Variants in PCTP observed in about 807,000 individuals in gnomAD.
PCTP encodes the protein START domain-containing protein 2.
A neutral mutation model predicts 31.0 loss-of-function variants in PCTP; 27 were observed. The ratio of observed to expected loss-of-function variants is 0.87; its 90% CI spans 0.64 to 1.20. PCTP has a LOEUF of 1.20. Ranked by LOEUF, PCTP falls within the 50% of genes most tolerant of loss-of-function variation. The probability of loss-of-function intolerance (pLI) is 0.00; values close to 1 mark genes in which losing one functional copy is unlikely to be tolerated. For missense variants in PCTP, 287 were observed against 268.2 expected, an observed-to-expected ratio of 1.07 and a Z score of -0.49; for synonymous variants, 108 against 101.2, an observed-to-expected ratio of 1.07 and a Z score of -0.40.
intron 3 of PCTP, among the ~76,000 whole-genome samples, chr17:55,800,474 C>A (rs62078576): frequency 0.07 from 10,626 of 151,964 alleles, 514 homozygotes; most frequent in Middle Eastern, 0.15. Flanking sequence ...AGCAATTCCT[C>A]TAATCTTTTT....
intron 3 of PCTP, among the ~76,000 whole-genome samples, chr17:55,802,819 C>T (rs1422289879): frequency 1.3e-5 from 2 of 152,152 alleles, no homozygotes; most frequent in African/African-American, 4.8e-5. Context: ...GACAAGGATG[C>T]CCTCTCTCAC....
intron 5 of PCTP, among the ~76,000 whole-genome samples, chr17:55,837,500 C>T (rs1390661098): frequency 6.6e-6 from 1 of 152,136 alleles, no homozygotes; most frequent in Non-Finnish European, 1.5e-5. Flanking sequence ...AAACCTATCT[C>T]ATCATCTTTT....
intron 1 of PCTP, among the ~76,000 whole-genome samples, chr17:55,757,260 ATG>A (rs1910085338): frequency 6.7e-6 from 1 of 150,262 alleles, no homozygotes; most frequent in African/African-American, 2.5e-5. Context: ...ATACACATAT[ATG>A]TGTATATACA....
chr17:55,812,854 A>G (rs16956435), intron 3 of PCTP, among the ~76,000 whole-genome samples: 8,913 of 152,308 alleles, frequency 0.059, 258 homozygotes, highest in Admixed American at 0.065. Context: ...CCTGTCACTC[A>G]GAGATGAGAA....
intron 3 of PCTP, among the ~76,000 whole-genome samples, chr17:55,797,572 T>C (rs980737446): frequency 6.6e-6 from 1 of 152,028 alleles, no homozygotes; most frequent in Non-Finnish European, 1.5e-5. Context: ...CATTAAATCA[T>C]GTGCCCTAGG....
At chr17:55,779,253 A>G (rs1393940996), downstream of PCTP, among the ~76,000 whole-genome samples, 1 of 152,228 alleles carries the variant, frequency 6.6e-6, no homozygotes, top group Non-Finnish European at 1.5e-5. Flanking sequence ...CTTATGGTCT[A>G]ATGAAAACTC....
intron 5 of PCTP, among the ~76,000 whole-genome samples, chr17:55,833,801 C>T (rs1905685904): frequency 6.6e-6 from 1 of 152,170 alleles, no homozygotes; most frequent in Admixed American, 6.5e-5. Flanking sequence ...AAGACCTTGC[C>T]TCCTGCCTTT....
At chr17:55,841,833 A>G (rs906463512) in intron 5 of PCTP, among the ~76,000 whole-genome samples, 1 of 152,096 alleles carries the variant, frequency 6.6e-6, no homozygotes, top group African/African-American at 2.4e-5. Context: ...ATTCTGGCTG[A>G]CTGTTTTAAT....
intron 5 of PCTP, chr17:55,775,258 A>C (rs1015160684): frequency 2.8e-5 from 34 of 1,233,882 alleles, no homozygotes; most frequent in Non-Finnish European, 3.2e-5. Flanking sequence ...GCCTGAGGAA[A>C]GCTTCCACTT....
chr17:55,751,098 G>A lies in PCTP; in HGVS notation c.-6G>A. ...CTCCAGGCGGAGGAGCCCGGACTGC[G>A]GAAGGATGGAGCTGGCCGCCGGAAG... On this transcript the variant is annotated 5_prime_UTR_variant, in exon 1 of 6. Transcript: ENST00000268896. 5 of 1,532,690 alleles carry A rather than the reference G, an allele frequency of 3.3e-6. No homozygotes were observed. Among genetic ancestry groups the A allele is most frequent in the Non-Finnish European group, 3.5e-6 (4 of 1,139,804 alleles). 94.9% of individuals were successfully genotyped at this position (1,532,690 alleles called of 1,614,324 possible). A position where few individuals can be genotyped will look rare whatever the true frequency, so the allele number is the denominator to read the frequency against.
In PCTP at chr17:55,751,054, A is replaced by G. The variant is rs1909662375; in HGVS notation, c.-50A>G. The G allele has an allele frequency of 6.8e-7, 1 of 1,476,520 alleles. No homozygotes were observed. The highest frequency in any genetic ancestry group is 2.5e-5 in the East Asian group (1 of 39,652). The allele number at this position is 1,476,520 out of a possible 1,614,324, so 91.5% of individuals were successfully genotyped here. A position where few individuals can be genotyped will look rare whatever the true frequency, so the allele number is the denominator to read the frequency against. ...TCACCCCGCCCCCAGGCCCACACTAAGGGTGTCCGCGGCCTGCCCTCCAGG... is the reference window on the plus strand; with the variant it reads ...TCACCCCGCCCCCAGGCCCACACTAGGGGTGTCCGCGGCCTGCCCTCCAGG... On this transcript the variant is annotated 5_prime_UTR_variant, in exon 1 of 6. Transcript: ENST00000268896.
At chr17:55,847,012 C>A (rs1211702658), downstream of PCTP, among the ~76,000 whole-genome samples, 2 of 152,126 alleles carry the variant, frequency 1.3e-5, no homozygotes, top group African/African-American at 4.8e-5. Context: ...GGTGTTATCT[C>A]AAGTGTCATG....
intron 5 of PCTP, 65 bp from the exon 6 acceptor site, chr17:55,775,970 C>T: frequency 6.3e-7 from 1 of 1,590,820 alleles, no homozygotes; most frequent in Non-Finnish European, 8.5e-7. Flanking sequence ...CCTTCTGCCA[C>T]ATCCCAAAGA....
intron 1 of PCTP, chr17:55,751,499 A>G: frequency 6.7e-7 from 1 of 1,493,504 alleles, no homozygotes; most frequent in South Asian, 1.2e-5. Context: ...CGGGGCATGT[A>G]GTTAGAAGTT....
downstream of PCTP, among the ~76,000 whole-genome samples, chr17:55,844,556 GA>G (rs1474049355): frequency 2.0e-5 from 3 of 152,116 alleles, no homozygotes; most frequent in Admixed American, 2.0e-4. Flanking sequence ...AGGAGAAATA[GA>G]AGATCTGGAG....
rs377264120 is a variant in PCTP, at chr17:55,771,196, C to T, written c.339+11C>T. On this transcript the variant is annotated intron_variant, in intron 3 of 5. Coordinates refer to ENST00000268896, the MANE Select transcript of PCTP (RefSeq NM_021213.4). ...ATGTCCAACAGAGACGTATCCTTTC[C>T]ACAAGGTACTCATTCCCTGGCCCTC... 18 of 1,588,970 alleles carry T rather than the reference C, an allele frequency of 1.1e-5. No individual in the cohort carries two copies. The highest frequency in any genetic ancestry group is 1.6e-5 in the Non-Finnish European group (18 of 1,157,264).
At chr17:55,843,557 C>T (rs1004283480), downstream of PCTP, among the ~76,000 whole-genome samples, 2 of 152,206 alleles carry the variant, frequency 1.3e-5, no homozygotes, top group African/African-American at 4.8e-5. Flanking sequence ...TTCCTGCCCT[C>T]ACTCACCGGA....
intron 3 of PCTP, among the ~76,000 whole-genome samples, chr17:55,791,729 A>G (rs1039951521): frequency 4.6e-5 from 7 of 152,188 alleles, no homozygotes; most frequent in Non-Finnish European, 5.9e-5. Flanking sequence ...TAGTTCAACC[A>G]TTGTGGAAGT....
At chr17:55,810,223 C>T (rs1912704714) in intron 3 of PCTP, among the ~76,000 whole-genome samples, 1 of 152,160 alleles carries the variant, frequency 6.6e-6, no homozygotes, top group Non-Finnish European at 1.5e-5. Flanking sequence ...CACTATGTTG[C>T]CCAGGCTGGT....
Sources: gnomAD v4.1 joint callset for allele counts (sites outside exome capture counted in the v4.1 genomes callset) on GRCh38, gnomAD v4.1.1 for gene constraint, MANE v1.5 for transcripts, NCBI Gene and HGNC (gene_info 2026-07-23, HGNC 2026-07-21) for gene names.